Variants in WDR41 observed in about 807,000 individuals in gnomAD.
WDR41 encodes the protein WD repeat domain 41.
A neutral mutation model predicts 69.3 loss-of-function variants in WDR41; 63 were observed. The ratio of observed to expected loss-of-function variants is 0.91; its 90% CI spans 0.74 to 1.12. The LOEUF (loss-of-function observed/expected upper bound fraction) is 1.12. Ranked by LOEUF, WDR41 falls within the 50% of genes most tolerant of loss-of-function variation. The pLI is 0.00. For missense variants in WDR41, 543 were observed against 534.5 expected (o/e 1.02, Z -0.16); for synonymous variants, 185 against 192.1 (o/e 0.96, Z 0.31).
intron 1 of WDR41, among the ~76,000 whole-genome samples, chr5:77,564,099 A>G (rs1307626403): frequency 6.6e-6 from 1 of 152,208 alleles, no homozygotes; most frequent in East Asian, 1.9e-4. Flanking sequence ...AAATACATGT[A>G]AAGTATAAAG....
intron 2 of WDR41, among the ~76,000 whole-genome samples, chr5:77,468,858 C>T (rs537725637): frequency 2.6e-4 from 40 of 152,148 alleles, no homozygotes; most frequent in Middle Eastern, 6.8e-3. Context: ...TACAGTAAGA[C>T]GCAGGATCTA....
intron 2 of WDR41, among the ~76,000 whole-genome samples, chr5:77,480,963 GC>G (rs1268996003): frequency 6.6e-6 from 1 of 151,772 alleles, no homozygotes; most frequent in Non-Finnish European, 1.5e-5. Context: ...GTCTCTCTCT[GC>G]CCCACTTGCT....
chr5:77,591,342 C>A (rs1744134426), intron 1 of WDR41, among the ~76,000 whole-genome samples: 1 of 151,998 alleles, frequency 6.6e-6, no homozygotes, highest in Admixed American at 6.6e-5. Flanking sequence ...TTAGCCTTTT[C>A]AAAGAACAAC....
At chr5:77,476,591 A>T (rs972041353) in intron 2 of WDR41, among the ~76,000 whole-genome samples, 3 of 151,430 alleles carry the variant, frequency 2.0e-5, no homozygotes, top group Admixed American at 6.6e-5. Flanking sequence ...TAAGTGAAGG[A>T]GAAATAAAAT....
At chr5:77,565,670 T>C (rs543106140) in intron 1 of WDR41, among the ~76,000 whole-genome samples, 136 of 152,238 alleles carry the variant, frequency 8.9e-4, no homozygotes, top group African/African-American at 3.2e-3. Context: ...TCCTCCTTCC[T>C]TCAAAGATGA....
In WDR41 at chr5:77,440,840, A is replaced by C; in HGVS notation, c.855T>G (p.Ser285=). Residue 285 remains serine, a synonymous_variant, in exon 9 of 13, where the codon TCT becomes TCG. Coordinates refer to ENST00000296679, the MANE Select transcript of WDR41 (RefSeq NM_018268.4). ...IKLCQKSNDI[S]IHHFTCDEEN... Reference sequence around the variant, plus strand: ...CTTCATCACATGTGAAATGATGAATAGAAATGTCATTTGATTTTTGACAGA... The same window carrying C: ...CTTCATCACATGTGAAATGATGAATCGAAATGTCATTTGATTTTTGACAGA... The C allele has an allele frequency of 6.2e-7, 1 of 1,614,208 alleles. No individual in the cohort carries two copies. The highest frequency in any genetic ancestry group is 8.5e-7 in the Non-Finnish European group (1 of 1,180,036).
chr5:77,582,712 C>T (rs1287240931), intron 1 of WDR41: 6 of 1,592,132 alleles, frequency 3.8e-6, no homozygotes, highest in Admixed American at 1.7e-5. Flanking sequence ...GCAGCTTCTT[C>T]GCCTTCGTCA....
chr5:77,505,875 C>T (rs1214394402), intron 1 of WDR41, among the ~76,000 whole-genome samples: 1 of 152,144 alleles, frequency 6.6e-6, no homozygotes, highest in Non-Finnish European at 1.5e-5. Context: ...ACACCTTATA[C>T]AAAAATTAAT....
Position 77,464,804 on chromosome 5 carries a change from G to A in WDR41, c.173C>T (p.Ala58Val). ...FLVQLDDYRF[A>V]SAGDDGIVVV... The stretch of plus-strand genomic sequence containing the variant: ...TACAATTCCATCATCACCAGCAGAT[G>A]CAAATCTGGTTAGGGAGAAAGGGTC... Residue 58 changes from alanine (A) to valine (V), a missense_variant, in exon 3 of 13, where the codon GCA (alanine) becomes GTA (valine). Coordinates refer to ENST00000296679, the MANE Select transcript of WDR41 (RefSeq NM_018268.4). 1.2e-6 allele frequency: 2 copies of A among 1,610,516 alleles called. No homozygotes were observed. Among genetic ancestry groups the A allele is most frequent in the Non-Finnish European group, 1.7e-6 (2 of 1,179,216 alleles).
At chr5:77,476,047 C>A (rs772648202) in intron 2 of WDR41, among the ~76,000 whole-genome samples, 2 of 151,728 alleles carry the variant, frequency 1.3e-5, no homozygotes, top group Non-Finnish European at 2.9e-5. Flanking sequence ...GAAGCCGATG[C>A]GATCAACTGG....
At chr5:77,444,232 G>C (rs542461407) in intron 8 of WDR41, among the ~76,000 whole-genome samples, 2 of 152,138 alleles carry the variant, frequency 1.3e-5, no homozygotes, top group East Asian at 3.9e-4. Context: ...TTCCCAAACA[G>C]GTCATTCAAA....
At chr5:77,552,872 C>G (rs1743322605) in intron 1 of WDR41, among the ~76,000 whole-genome samples, 1 of 152,172 alleles carries the variant, frequency 6.6e-6, no homozygotes. Context: ...AAATTTCATG[C>G]TTTATATAAA....
intron 1 of WDR41, chr5:77,582,255 C>T: frequency 1.1e-6 from 1 of 912,906 alleles, no homozygotes; most frequent in Admixed American, 2.2e-5. Context: ...GACAAAATTC[C>T]TAAAAGACAC....
At chr5:77,529,434 G>C (rs1802492680) in intron 1 of WDR41, among the ~76,000 whole-genome samples, 1 of 151,378 alleles carries the variant, frequency 6.6e-6, no homozygotes, top group South Asian at 2.1e-4. Context: ...AAATTATAAA[G>C]ATGTCAATTC....
At chr5:77,494,932 A>G (rs561586894), upstream of WDR41, among the ~76,000 whole-genome samples, 2 of 152,304 alleles carry the variant, frequency 1.3e-5, no homozygotes, top group East Asian at 1.9e-4. Context: ...ATTTTAAAAG[A>G]TAGATATCAC....
intron 1 of WDR41, among the ~76,000 whole-genome samples, chr5:77,609,658 C>T (rs1243822249): frequency 6.6e-6 from 1 of 152,086 alleles, no homozygotes; most frequent in Non-Finnish European, 1.5e-5. Context: ...CCCATCTGTA[C>T]ATCACCATCA....
At chr5:77,542,122 G>A (rs1260819282) in intron 1 of WDR41, among the ~76,000 whole-genome samples, 2 of 152,160 alleles carry the variant, frequency 1.3e-5, no homozygotes, top group Non-Finnish European at 2.9e-5. Context: ...CCTTGAAAGG[G>A]ATATGGATGG....
chr5:77,617,947 C>A (rs1431307602), intron 1 of WDR41, among the ~76,000 whole-genome samples: 1 of 152,038 alleles, frequency 6.6e-6, no homozygotes, highest in Non-Finnish European at 1.5e-5. Flanking sequence ...TCATGGGCTG[C>A]AGAGGGAGAT....
intron 1 of WDR41, among the ~76,000 whole-genome samples, chr5:77,505,100 T>G (rs1261364204): frequency 1.3e-5 from 2 of 152,168 alleles, no homozygotes; most frequent in Non-Finnish European, 2.9e-5. Flanking sequence ...TGTTTGCAGA[T>G]GACATGATTG....
Sources: allele counts gnomAD v4.1 joint callset (sites outside exome capture counted in the v4.1 genomes callset), GRCh38; gene constraint gnomAD v4.1.1; transcripts MANE v1.5; gene names NCBI Gene and HGNC (gene_info 2026-07-23, HGNC 2026-07-21).